Variants in RPTOR observed in about 807,000 individuals in gnomAD.
The protein encoded by RPTOR is regulatory-associated protein of mTOR.
Under a neutral mutation model 169.9 loss-of-function variants are expected in RPTOR, and 21 were observed. The ratio of observed to expected loss-of-function variants is 0.12; its 90% CI spans 0.09 to 0.18. The LOEUF is 0.18. Ranked by LOEUF, RPTOR falls within the 10% of genes least tolerant of loss-of-function variation. The pLI is 1.00. For synonymous variants in RPTOR, 732 were observed against 753.2 expected, an observed-to-expected ratio of 0.97 and a Z score of 0.46; for missense variants, 1,133 against 1,855.9, an observed-to-expected ratio of 0.61 and a Z score of 7.16.
intron 9 of RPTOR, among the ~76,000 whole-genome samples, chr17:80,831,356 C>A (rs1327866324): frequency 6.6e-6 from 1 of 152,218 alleles, no homozygotes; most frequent in Non-Finnish European, 1.5e-5. Flanking sequence ...GCATTTGATT[C>A]TGTGGAGTCC....
chr17:80,719,172 C>T (rs757994627), intron 4 of RPTOR, among the ~76,000 whole-genome samples: 1 of 151,866 alleles, frequency 6.6e-6, no homozygotes, highest in Non-Finnish European at 1.5e-5. Flanking sequence ...TTTCTAGAGC[C>T]GAAGAAGGCC....
chr17:80,554,056 G>T (rs1373441618), intron 1 of RPTOR, among the ~76,000 whole-genome samples: 1 of 151,574 alleles, frequency 6.6e-6, no homozygotes, highest in Non-Finnish European at 1.5e-5. Flanking sequence ...GTTCTGTTGT[G>T]TGCGTGTGTG....
rs528365928 is a variant in RPTOR, at chr17:80,783,039, C to T, written c.831-8411C>T. 4.2e-4 allele frequency among the ~76,000 whole-genome samples: 64 copies of T among 152,296 alleles called. 1 individual carries two copies. In the South Asian group the frequency reaches 0.012, roughly 30 times the overall value. ...GTTTCCTGTGGTTGATGCTCATAAG[C>T]GTTACCTCCGTGGAAGAGGTTTACC... On this transcript the variant is annotated intron_variant, in intron 6 of 33. Transcript: ENST00000306801.
At chr17:80,668,849 T>C (rs911004847) in intron 3 of RPTOR, among the ~76,000 whole-genome samples, 1 of 152,244 alleles carries the variant, frequency 6.6e-6, no homozygotes, top group African/African-American at 2.4e-5. Context: ...GAGAATGTTG[T>C]TCCCATGATT....
Position 80,884,073 on chromosome 17 carries a change from G to A in RPTOR, c.1842+101G>A, listed in dbSNP as rs552609400. The A allele has an allele frequency of 1.3e-5, 15 of 1,126,058 alleles. No individual in the cohort carries two copies. In the East Asian group the frequency reaches 3.6e-4, roughly 27 times the overall value. 69.8% of individuals were successfully genotyped at this position (1,126,058 alleles called of 1,614,324 possible). On this transcript the variant is annotated intron_variant, in intron 16 of 33. Transcript: ENST00000306801. The stretch of plus-strand genomic sequence containing the variant: ...GCGGGTGTGGCCGGCCACGTGTCCA[G>A]GAACTTCAGGGGCTGCACGCTAATA...
At chr17:80,741,816 C>A (rs2066484611) in intron 5 of RPTOR, among the ~76,000 whole-genome samples, 1 of 152,076 alleles carries the variant, frequency 6.6e-6, no homozygotes. Flanking sequence ...AGAGGAGAGG[C>A]CAGTCGAGGC....
At chr17:80,697,943 TG>T (rs1598232769) in intron 3 of RPTOR, among the ~76,000 whole-genome samples, 1 of 152,084 alleles carries the variant, frequency 6.6e-6, no homozygotes, top group East Asian at 1.9e-4. Context: ...TGTGACCCAC[TG>T]GGCACCAGGG....
intron 7 of RPTOR, among the ~76,000 whole-genome samples, chr17:80,799,696 C>T (rs2067136386): frequency 6.6e-6 from 1 of 152,014 alleles, no homozygotes; most frequent in Non-Finnish European, 1.5e-5. Flanking sequence ...AGGTCTGCCT[C>T]ACGCTCTGCA....
chr17:80,957,557 C>G lies in RPTOR; in HGVS notation c.3371-67C>G, dbSNP rs113585967. 1,102 of 1,463,796 alleles carry G rather than the reference C, an allele frequency of 7.5e-4. 7 individuals are homozygous for G. In the African/African-American group the frequency reaches 0.012, roughly 16 times the overall value. 90.7% of individuals were successfully genotyped at this position (1,463,796 alleles called of 1,614,324 possible). A position where few individuals can be genotyped will look rare whatever the true frequency, so the allele number is the denominator to read the frequency against. On this transcript the variant is annotated intron_variant, in intron 28 of 33. Transcript: ENST00000306801. The surrounding 1 kb of genome is among the most constrained non-coding windows in gnomAD (Gnocchi z 4.6). The stretch of plus-strand genomic sequence containing the variant: ...CTGCTGGCCAAATTGCTGCCCAGAG[C>G]AGGCCCCAAAGCCTGCCCAAGGCAA...
At chr17:80,779,849 T>C in intron 6 of RPTOR, among the ~76,000 whole-genome samples, 1 of 152,172 alleles carries the variant, frequency 6.6e-6, no homozygotes, top group Non-Finnish European at 1.5e-5. Flanking sequence ...TTGGAAAATC[T>C]ATGTGAGTTC....
At chr17:80,559,456 GA>G (rs2084452244) in intron 1 of RPTOR, among the ~76,000 whole-genome samples, 2 of 152,162 alleles carry the variant, frequency 1.3e-5, no homozygotes, top group Admixed American at 1.3e-4. Flanking sequence ...CCCAGTCCTG[GA>G]ATTAGCCTTT....
chr17:80,880,532 C>T (rs1324239194), intron 14 of RPTOR, 43 bp downstream of exon 14: 2 of 1,574,662 alleles, frequency 1.3e-6, no homozygotes, highest in East Asian at 4.5e-5. Context: ...TGGGACTCAG[C>T]ACTCGCCTCT....
chr17:80,599,138 C>T (rs537732510), intron 1 of RPTOR, among the ~76,000 whole-genome samples: 2 of 152,204 alleles, frequency 1.3e-5, no homozygotes, highest in East Asian at 1.9e-4. Flanking sequence ...TGTTCCCTCC[C>T]GTTGAATCTG....
intron 13 of RPTOR, among the ~76,000 whole-genome samples, chr17:80,866,395 C>T (rs1032632877): frequency 6.6e-6 from 1 of 152,106 alleles, no homozygotes; most frequent in Admixed American, 6.5e-5. Flanking sequence ...CTGAAGAGGG[C>T]AGCGTGAGTG....
intron 5 of RPTOR, chr17:80,743,505 A>G (rs2066505975): frequency 1.0e-6 from 1 of 957,860 alleles, no homozygotes; most frequent in Non-Finnish European, 1.2e-6. Flanking sequence ...GCGCGTTCGG[A>G]GTGCTGGGCA....
chr17:80,825,785 A>C (rs984757134), intron 9 of RPTOR, among the ~76,000 whole-genome samples: 1 of 152,138 alleles, frequency 6.6e-6, no homozygotes, highest in Non-Finnish European at 1.5e-5. Context: ...CGCTTGGGCT[A>C]ATGTGCGCCT....
rs115504045 is a variant in RPTOR at position 80,675,416 on chromosome 17, C to T, written c.348+31606C>T. Among the ~76,000 whole-genome samples the T allele has an allele frequency of 1.8e-3, 274 of 152,350 alleles. 1 individual carries two copies. Among genetic ancestry groups the T allele is most frequent in the African/African-American group, 6.4e-3 (266 of 41,584 alleles). ...CTATCACACCCGGGTCAAGGCCAGC[C>T]ATCCCTCCTCTCTGTTTATTACTAG... is the stretch of plus-strand genomic sequence containing the variant. On this transcript the variant is annotated intron_variant, in intron 3 of 33. Coordinates refer to ENST00000306801, the MANE Select transcript of RPTOR (RefSeq NM_020761.3).
At chr17:80,729,624 G>A (rs1196925448) in intron 4 of RPTOR, among the ~76,000 whole-genome samples, 1 of 152,190 alleles carries the variant, frequency 6.6e-6, no homozygotes, top group African/African-American at 2.4e-5. Context: ...TACCCCTTAA[G>A]TATGATCTTT....
chr17:80,829,846 A>C (rs2067484338), intron 9 of RPTOR, among the ~76,000 whole-genome samples: 1 of 152,220 alleles, frequency 6.6e-6, no homozygotes, highest in East Asian at 1.9e-4. Context: ...GTAATATTAA[A>C]GGGTTCTTTG....
Sources: allele counts gnomAD v4.1 joint callset (sites outside exome capture counted in the v4.1 genomes callset), GRCh38; gene constraint gnomAD v4.1.1; non-coding constraint Gnocchi (gnomAD v3.1); transcripts MANE v1.5; gene names NCBI Gene and HGNC (gene_info 2026-07-23, HGNC 2026-07-21).